CCDC150: variants seen among roughly 807,000 people sequenced by gnomAD.
CCDC150 encodes coiled-coil domain-containing protein 150.
In CCDC150, 151 loss-of-function variants were observed where a neutral mutation model predicts 156.5. The observed-to-expected ratio is 0.97, with a 90% CI of 0.85 to 1.10. The LOEUF (loss-of-function observed/expected upper bound fraction) is 1.10, where lower values mean the gene tolerates loss of function less well. CCDC150 is among the 50% of genes least tolerant of loss of function. CCDC150 has a pLI of 0.00. For missense variants in CCDC150, 1,312 were observed against 1,268.1 expected, an observed-to-expected ratio of 1.03 and a Z score of -0.53; for synonymous variants, 452 against 429.4, an observed-to-expected ratio of 1.05 and a Z score of -0.65.
At chr2:196,651,604 C>A (rs913219362) in intron 2 of CCDC150, among the ~76,000 whole-genome samples, 1 of 152,132 alleles carries the variant, frequency 6.6e-6, no homozygotes, top group Non-Finnish European at 1.5e-5. Flanking sequence ...ATTCTACTTT[C>A]TTCTTGCCTA....
At chr2:196,705,983 C>G (rs1162608550) in intron 15 of CCDC150, among the ~76,000 whole-genome samples, 1 of 152,190 alleles carries the variant, frequency 6.6e-6, no homozygotes, top group African/African-American at 2.4e-5. Context: ...AGTCAGGTAG[C>G]ATGATGCCTC....
chr2:196,702,762 T>C (rs1279249879), intron 15 of CCDC150, among the ~76,000 whole-genome samples: 1 of 151,902 alleles, frequency 6.6e-6, no homozygotes, highest in Non-Finnish European at 1.5e-5. Context: ...GCAACCGTCC[T>C]AGTCTGTTTT....
chr2:196,648,781 C>T (rs1692694766), intron 2 of CCDC150, among the ~76,000 whole-genome samples: 1 of 152,058 alleles, frequency 6.6e-6, no homozygotes, highest in Non-Finnish European at 1.5e-5. Context: ...TTATGTTTTA[C>T]ATCTGTCTTT....
chr2:196,642,417 C>T (rs1460965264), intron 1 of CCDC150, among the ~76,000 whole-genome samples: 2 of 152,124 alleles, frequency 1.3e-5, no homozygotes, highest in Admixed American at 1.3e-4. Context: ...TTGGGCCTAC[C>T]AGATGGGGAG....
In CCDC150 at chr2:196,729,326, C is replaced by T. The variant is rs1698400156; in HGVS notation, c.2690C>T (p.Thr897Ile). 1.2e-6 allele frequency: 2 copies of T among 1,613,376 alleles called. No individual in the cohort carries two copies. The highest frequency in any genetic ancestry group is 1.3e-5 in the African/African-American group (1 of 74,744). The change falls in exon 23 of 28, where the codon ACC (threonine) becomes ATC (isoleucine). Residue 897 changes from threonine (T) to isoleucine (I), a missense_variant. Thr to Ile is a moderately conservative substitution (Grantham distance 89). Coordinates refer to ENST00000389175, the MANE Select transcript of CCDC150 (RefSeq NM_001080539.2). ...SNKEKIKNQK[T>I]QIKLHLSAKA... ...AAGGAGAAAATAAAGAATCAAAAGACCCAAATTAAGCTCCACTTGTCAGCT... is the reference window on the plus strand; with the variant it reads ...AAGGAGAAAATAAAGAATCAAAAGATCCAAATTAAGCTCCACTTGTCAGCT...
intron 2 of CCDC150, among the ~76,000 whole-genome samples, chr2:196,654,142 A>G (rs1362904718): frequency 6.6e-6 from 1 of 152,194 alleles, no homozygotes; most frequent in South Asian, 2.1e-4. Context: ...CTTACCTCCA[A>G]CAATGGGTGT....
At chr2:196,731,747 A>C (rs1205323080) in intron 26 of CCDC150, among the ~76,000 whole-genome samples, 1 of 152,000 alleles carries the variant, frequency 6.6e-6, no homozygotes, top group African/African-American at 2.4e-5. Context: ...GCCATCTTTT[A>C]CCTTCATTCT....
At chr2:196,730,264 A>G (rs1030087915) in intron 25 of CCDC150, 146 bp downstream of exon 25, 2 of 634,792 alleles carry the variant, frequency 3.2e-6, no homozygotes, top group Non-Finnish European at 5.1e-6. Flanking sequence ...CCTTAGAATA[A>G]TAGTATCTAG....
At chr2:196,664,615 GGCATGATTGAT>G (rs1693736410) in intron 5 of CCDC150, among the ~76,000 whole-genome samples, 1 of 152,096 alleles carries the variant, frequency 6.6e-6, no homozygotes, top group Admixed American at 6.5e-5. Context: ...TCATTACATA[GGCATGATTGAT>G]TAAATCATTG....
In CCDC150 at chr2:196,704,220, A is replaced by G. The variant is rs532160397; in HGVS notation, c.1695+3040A>G. On this transcript the variant is annotated intron_variant, in intron 15 of 27. Coordinates refer to ENST00000389175, the MANE Select transcript of CCDC150 (RefSeq NM_001080539.2). Reference sequence around the variant, plus strand: ...ATATAAATACTGGATTTTGTGTGTTAATGTAAACTTTATTGGAAACTGCTG... The same window carrying G: ...ATATAAATACTGGATTTTGTGTGTTGATGTAAACTTTATTGGAAACTGCTG... 3.3e-4 allele frequency among the ~76,000 whole-genome samples: 50 copies of G among 152,340 alleles called. No individual in the cohort carries two copies. The South Asian group carries it at 9.9e-3, about 30-fold the overall frequency.
chr2:196,726,102 A>G lies in CCDC150; in HGVS notation c.2556+3A>G. On this transcript the variant is annotated splice_donor_region_variant and intron_variant, in intron 22 of 27. Transcript: ENST00000389175. Reference sequence around the variant, plus strand: ...TGGCACAACGGGAAGTGGCTGAGGTATAGTCATGAGAAAAGTTTCTCTTTT... The same window carrying G: ...TGGCACAACGGGAAGTGGCTGAGGTGTAGTCATGAGAAAAGTTTCTCTTTT... 2 of 1,612,586 alleles carry G rather than the reference A, an allele frequency of 1.2e-6. No homozygotes were observed. The highest frequency in any genetic ancestry group is 1.7e-6 in the Non-Finnish European group (2 of 1,179,190).
intron 23 of CCDC150, 137 bp downstream of exon 23, chr2:196,729,524 G>T: frequency 2.3e-6 from 2 of 860,988 alleles, no homozygotes; most frequent in Middle Eastern, 2.3e-4. Context: ...TGTCTTTGGG[G>T]AGACTTTTTC....
At chr2:196,721,862 A>ATC (rs1697938793) in intron 21 of CCDC150, among the ~76,000 whole-genome samples, 171 bp downstream of exon 21, 1 of 152,222 alleles carries the variant, frequency 6.6e-6, no homozygotes, top group African/African-American at 2.4e-5. Flanking sequence ...ACCAGCAGGT[A>ATC]ATAGCTGGCT....
intron 5 of CCDC150, among the ~76,000 whole-genome samples, chr2:196,661,830 T>C (rs1191879909): frequency 1.3e-5 from 2 of 152,224 alleles, no homozygotes; most frequent in Non-Finnish European, 2.9e-5. Flanking sequence ...ATATCACGTA[T>C]AAAAGAGGAA....
chr2:196,660,469 C>T (rs1693497144), intron 5 of CCDC150, among the ~76,000 whole-genome samples: 2 of 152,200 alleles, frequency 1.3e-5, no homozygotes, highest in Admixed American at 6.5e-5. Context: ...ATATCCTCAC[C>T]GGCATTTGGT....
In CCDC150 at chr2:196,676,653, A is replaced by C. The variant is rs975664858; in HGVS notation, c.1362A>C (p.Ala454=). The part of the protein sequence containing the change: ...VQKELLESTI[A]RLRGELEASM... ...AAGAGCTGCTAGAATCAACTATTGC[A>C]AGATTGCGAGGTGAATTGGAAGCAT... The change falls in exon 12 of 28, where the codon GCA becomes GCC. Residue 454 remains alanine, a synonymous_variant. Transcript: ENST00000389175. 6.2e-7 allele frequency: 1 copy of C among 1,613,876 alleles called. No individual in the cohort carries two copies. The highest frequency in any genetic ancestry group is 1.7e-5 in the Admixed American group (1 of 60,004).
intron 16 of CCDC150, 24 bp from the exon 17 acceptor site, chr2:196,712,653 G>A: frequency 6.3e-7 from 1 of 1,588,102 alleles, no homozygotes; most frequent in Non-Finnish European, 8.6e-7. Flanking sequence ...TGAGGAACAA[G>A]TATCTTTGTT....
intron 8 of CCDC150, among the ~76,000 whole-genome samples, 176 bp downstream of exon 8, chr2:196,670,052 C>T (rs951876512): frequency 6.6e-6 from 1 of 152,064 alleles, no homozygotes; most frequent in African/African-American, 2.4e-5. Context: ...GAAATCATTT[C>T]ATGAAGGTTA....
At chr2:196,713,599 G>A in intron 17 of CCDC150, 1 of 1,525,152 alleles carries the variant, frequency 6.6e-7, no homozygotes, top group South Asian at 1.3e-5. Flanking sequence ...AAACCATGGA[G>A]GGAAGACTGG....
Sources: gnomAD v4.1 joint callset for allele counts (sites outside exome capture counted in the v4.1 genomes callset) on GRCh38, gnomAD v4.1.1 for gene constraint, MANE v1.5 for transcripts, NCBI Gene and HGNC (gene_info 2026-07-23, HGNC 2026-07-21) for gene names.